The following CLINT1 variants were observed in gnomAD, a reference collection of about 807,000 sequenced individuals.
CLINT1 encodes the protein clathrin interactor 1, also known as clathrin interacting protein localized in the trans-Golgi region.
Under a neutral mutation model 70.4 loss-of-function variants are expected in CLINT1, and 15 were observed. The observed-to-expected ratio is 0.21, with a 90% CI of 0.14 to 0.33. The LOEUF (loss-of-function observed/expected upper bound fraction) is 0.33. Ranked by LOEUF, CLINT1 falls within the 10% of genes least tolerant of loss-of-function variation. The pLI, the probability that CLINT1 is intolerant of heterozygous loss-of-function variation, is 1.00. For synonymous variants in CLINT1, 227 were observed against 254.7 expected (o/e 0.89, Z 1.04); for missense variants, 615 against 778.1 (o/e 0.79, Z 2.49).
At position 157,814,164 on chromosome 5, in the gene CLINT1, TA is replaced by T; in HGVS notation, c.352+20del. The T allele has an allele frequency of 6.7e-7, 1 of 1,501,592 alleles. No individual in the cohort carries two copies. The highest frequency in any genetic ancestry group is 9.2e-7 in the Non-Finnish European group (1 of 1,086,544). The allele number at this position is 1,501,592 out of a possible 1,614,324, so 93.0% of individuals were successfully genotyped here. A position where few individuals can be genotyped will look rare whatever the true frequency, so the allele number is the denominator to read the frequency against. On this transcript the variant is annotated intron_variant, in intron 4 of 11. Coordinates refer to ENST00000411809, the MANE Select transcript of CLINT1 (RefSeq NM_014666.4). ...TCCAACTACTGTTTTAATTTGCTTA[TA>T]AGGTTTTTCTATTGCTTACCTACAA...
At chr5:157,843,866 T>C (rs1168320643) in intron 1 of CLINT1, among the ~76,000 whole-genome samples, 1 of 152,196 alleles carries the variant, frequency 6.6e-6, no homozygotes, top group African/African-American at 2.4e-5. Context: ...TTTGCAGACA[T>C]GGGCTTGATA....
At chr5:157,802,730 G>A (rs1050900921) in intron 8 of CLINT1, among the ~76,000 whole-genome samples, 1 of 152,040 alleles carries the variant, frequency 6.6e-6, no homozygotes, top group African/African-American at 2.4e-5. Context: ...ATTTTCAGTA[G>A]AGACAGGGTA....
intron 1 of CLINT1, among the ~76,000 whole-genome samples, chr5:157,818,894 CAATT>C (rs1762798861): frequency 6.6e-6 from 1 of 152,094 alleles, no homozygotes; most frequent in Non-Finnish European, 1.5e-5. Context: ...TCGAAAGCTC[CAATT>C]ATTACCAAAT....
At chr5:157,795,178 A>G (rs557052651) in intron 8 of CLINT1, 19 of 545,784 alleles carry the variant, frequency 3.5e-5, no homozygotes, top group African/African-American at 1.7e-4. Context: ...CCTCAGTCCT[A>G]TATCTAGTAA....
At chr5:157,810,861 T>C (rs1762533006) in intron 5 of CLINT1, among the ~76,000 whole-genome samples, 1 of 152,212 alleles carries the variant, frequency 6.6e-6, no homozygotes, top group Non-Finnish European at 1.5e-5. Context: ...TCTAAAAGGA[T>C]ACATAGCCTT....
At chr5:157,791,654 C>T (rs780099836) in intron 10 of CLINT1, 49 bp downstream of exon 10, 1 of 1,496,996 alleles carries the variant, frequency 6.7e-7, no homozygotes, top group South Asian at 1.3e-5. Flanking sequence ...TGAGTTAGAG[C>T]ATCTCAAAGA....
intron 2 of CLINT1, 39 bp from the exon 3 acceptor site, chr5:157,816,869 T>C (rs2113216974): frequency 1.4e-6 from 2 of 1,428,748 alleles, no homozygotes; most frequent in Middle Eastern, 1.8e-4. Context: ...TGCAATATAT[T>C]AATTTTGACA....
chr5:157,839,573 C>A (rs1763544726), intron 1 of CLINT1, among the ~76,000 whole-genome samples: 2 of 151,474 alleles, frequency 1.3e-5, no homozygotes, highest in Admixed American at 1.3e-4. Flanking sequence ...TGCACTCCAG[C>A]CCGGGTGACA....
chr5:157,801,892 G>T (rs1762233501), intron 8 of CLINT1, among the ~76,000 whole-genome samples: 1 of 148,650 alleles, frequency 6.7e-6, no homozygotes, highest in African/African-American at 2.6e-5. Flanking sequence ...TAAAGGTTAA[G>T]TTAAAGTTTT....
At chr5:157,850,826 A>G (rs1022812769) in intron 1 of CLINT1, among the ~76,000 whole-genome samples, 4 of 151,862 alleles carry the variant, frequency 2.6e-5, no homozygotes, top group Non-Finnish European at 4.4e-5. Context: ...ACAAAGTTTC[A>G]CTCTGTTGCC....
chr5:157,803,596 G>T, intron 8 of CLINT1, 54 bp downstream of exon 8: 1 of 1,223,590 alleles, frequency 8.2e-7, no homozygotes, highest in Non-Finnish European at 1.1e-6. Flanking sequence ...CTTTTATTTG[G>T]CATTTTAAAA....
intron 5 of CLINT1, among the ~76,000 whole-genome samples, chr5:157,812,023 T>TAAAATAA (rs565994167): frequency 1.3e-5 from 2 of 150,870 alleles, no homozygotes; most frequent in African/African-American, 4.9e-5. Flanking sequence ...TAGCCCTATT[T>TAAAATAA]AAAAAAAAGA....
At chr5:157,837,649 C>CCCTTTTTTTTTT (rs1763471897) in intron 1 of CLINT1, among the ~76,000 whole-genome samples, 1 of 138,554 alleles carries the variant, frequency 7.2e-6, no homozygotes, top group African/African-American at 2.8e-5. Context: ...AGCTCTTTTA[C>CCCTTTTTTTTTT]TTTTTTTTTT....
chr5:157,858,785 G>A (rs1008024105), intron 1 of CLINT1, 145 bp downstream of exon 1: 1 of 818,476 alleles, frequency 1.2e-6, no homozygotes, highest in Non-Finnish European at 1.9e-6. Context: ...GAGGCCCGGG[G>A]CCGGGAAGGA....
At chr5:157,806,629 C>T (rs1292699937) in intron 6 of CLINT1, among the ~76,000 whole-genome samples, 1 of 152,096 alleles carries the variant, frequency 6.6e-6, no homozygotes, top group Non-Finnish European at 1.5e-5. Flanking sequence ...AAAAATCACA[C>T]ATCTTAATTC....
At chr5:157,795,682 A>G (rs1031283442) in intron 8 of CLINT1, 2 of 152,168 alleles carry the variant, frequency 1.3e-5, no homozygotes, top group Non-Finnish European at 2.9e-5. Context: ...AATTTTCCGT[A>G]TGCTTGTAAT....
intron 8 of CLINT1, among the ~76,000 whole-genome samples, chr5:157,799,483 TTCTATC>T (rs1220559050): frequency 6.6e-6 from 1 of 152,114 alleles, no homozygotes. Flanking sequence ...GTCATTTAAG[TTCTATC>T]TGTATTGATT....
chr5:157,832,899 A>G (rs1223404742), intron 1 of CLINT1, among the ~76,000 whole-genome samples: 2 of 151,996 alleles, frequency 1.3e-5, no homozygotes, highest in East Asian at 3.9e-4. Flanking sequence ...ACTATTTTTC[A>G]CCTGGATTAT....
In CLINT1 at chr5:157,846,093, A is replaced by G. The variant is rs557357070; in HGVS notation, c.41+12837T>C. 3.3e-5 allele frequency among the ~76,000 whole-genome samples: 5 copies of G among 152,318 alleles called. No homozygotes were observed. In the South Asian group the frequency reaches 8.3e-4, roughly 25 times the overall value. On this transcript the variant is annotated intron_variant, in intron 1 of 11. Transcript: ENST00000411809. ...ACACAATATTGACATTAGGTCAATT[A>G]ATAACCCTACAATGACCTCTAAGTG...
Sources: gnomAD v4.1 joint callset for allele counts (sites outside exome capture counted in the v4.1 genomes callset) on GRCh38, gnomAD v4.1.1 for gene constraint, MANE v1.5 for transcripts, NCBI Gene and HGNC (gene_info 2026-07-23, HGNC 2026-07-21) for gene names.